TBC1D23: variants seen among roughly 807,000 people sequenced by gnomAD.
TBC1D23 encodes HCV non-structural protein 4A-transactivated protein 1.
A neutral mutation model predicts 91.4 loss-of-function variants in TBC1D23; 55 were observed. That is an observed-to-expected ratio of 0.60 (90% CI 0.48 to 0.75). The LOEUF is 0.75. Among genes scored for constraint, TBC1D23 ranks in the 30% least tolerant of loss-of-function variants. The pLI, the probability that TBC1D23 is intolerant of heterozygous loss-of-function variation, is 0.00. For synonymous variants in TBC1D23, 289 were observed against 281.0 expected, an observed-to-expected ratio of 1.03 and a Z score of -0.28; for missense variants, 725 against 836.1, an observed-to-expected ratio of 0.87 and a Z score of 1.64.
intron 13 of TBC1D23, among the ~76,000 whole-genome samples, chr3:100,309,650 C>T (rs1488002208): frequency 3.8e-5 from 5 of 132,450 alleles, no homozygotes; most frequent in African/African-American, 1.1e-4. Flanking sequence ...CTCGCTCTGT[C>T]GCGCAGACTG....
chr3:100,288,675 A>G (rs889455832), intron 4 of TBC1D23, among the ~76,000 whole-genome samples: 2 of 152,224 alleles, frequency 1.3e-5, no homozygotes, highest in Non-Finnish European at 2.9e-5. Context: ...TGACCTGTTT[A>G]TAAGTTTTTG....
At chr3:100,271,496 A>G (rs2067599038) in intron 1 of TBC1D23, among the ~76,000 whole-genome samples, 1 of 152,172 alleles carries the variant, frequency 6.6e-6, no homozygotes, top group Non-Finnish European at 1.5e-5. Flanking sequence ...GTGGGTGGAG[A>G]TAAGAGTCAG....
At chr3:100,300,156 A>G (rs1705397653) in intron 10 of TBC1D23, among the ~76,000 whole-genome samples, 1 of 152,206 alleles carries the variant, frequency 6.6e-6, no homozygotes, top group Non-Finnish European at 1.5e-5. Flanking sequence ...ATTGTCAGAG[A>G]TGTATAGAGC....
Position 100,261,088 on chromosome 3 carries a change from G to A in TBC1D23, c.53+17G>A. ...CGACGGCTGGTGAGTGAAAGCCGGG[G>A]CTAATTTCCAATGCCCCTTTATTCT... On this transcript the variant is annotated intron_variant, in intron 1 of 18. Coordinates refer to ENST00000394144, the MANE Select transcript of TBC1D23 (RefSeq NM_001199198.3). 2 of 1,611,624 alleles carry A rather than the reference G, an allele frequency of 1.2e-6. No homozygotes were observed. Among genetic ancestry groups the A allele is most frequent in the Non-Finnish European group, 1.7e-6 (2 of 1,177,864 alleles).
intron 7 of TBC1D23, among the ~76,000 whole-genome samples, chr3:100,295,872 AT>A (rs2067834797): frequency 6.6e-6 from 1 of 152,140 alleles, no homozygotes; most frequent in South Asian, 2.1e-4. Flanking sequence ...TTTCTTAGGC[AT>A]TTTTTATGTT....
At chr3:100,303,232 G>A (rs1705464280) in intron 11 of TBC1D23, among the ~76,000 whole-genome samples, 1 of 152,052 alleles carries the variant, frequency 6.6e-6, no homozygotes, top group African/African-American at 2.4e-5. Flanking sequence ...TGGTAGGCAT[G>A]GTACACAAGC....
chr3:100,296,642 G>A (rs1246848375), intron 8 of TBC1D23, among the ~76,000 whole-genome samples: 2 of 151,954 alleles, frequency 1.3e-5, no homozygotes, highest in East Asian at 1.9e-4. Context: ...GGTGGATCAC[G>A]AGGTCGGGAG....
At chr3:100,286,843 G>A (rs2067747367) in intron 4 of TBC1D23, among the ~76,000 whole-genome samples, 1 of 152,014 alleles carries the variant, frequency 6.6e-6, no homozygotes, top group Non-Finnish European at 1.5e-5. Flanking sequence ...TTTAGACAGA[G>A]TCTCGCTCTG....
At chr3:100,291,945 A>G (rs2067795149) in intron 5 of TBC1D23, among the ~76,000 whole-genome samples, 1 of 151,868 alleles carries the variant, frequency 6.6e-6, no homozygotes, top group Non-Finnish European at 1.5e-5. Context: ...TTGTAATTTT[A>G]GTAAAGACGG....
intron 3 of TBC1D23, among the ~76,000 whole-genome samples, chr3:100,282,096 A>T (rs2067700139): frequency 6.6e-6 from 1 of 152,192 alleles, no homozygotes; most frequent in African/African-American, 2.4e-5. Context: ...AGATCACTTG[A>T]GGTCAAGAGT....
chr3:100,302,314 G>T, intron 11 of TBC1D23, 77 bp downstream of exon 11: 1 of 1,233,954 alleles, frequency 8.1e-7, no homozygotes, highest in Non-Finnish European at 1.1e-6. Context: ...ATAACTTTTT[G>T]CTTGTCAGAT....
chr3:100,323,052 T>C (rs753608852), intron 18 of TBC1D23, among the ~76,000 whole-genome samples: 9 of 152,208 alleles, frequency 5.9e-5, no homozygotes, highest in Non-Finnish European at 1.2e-4. Context: ...TTTAAATATT[T>C]CAGACCTCAT....
rs1705914092 is a variant in TBC1D23 at position 100,324,146 on chromosome 3, A to C, written c.*478A>C. On this transcript the variant is annotated 3_prime_UTR_variant, in exon 19 of 19. Coordinates refer to ENST00000394144, the MANE Select transcript of TBC1D23 (RefSeq NM_001199198.3). ...AAACTAAAACATAGATTAATAATTC[A>C]CTCACTGTTTCTATTCTTCTTAAAA... 6.6e-6 allele frequency: 1 copy of C among 152,182 alleles called. No individual in the cohort carries two copies. The highest frequency in any genetic ancestry group is 1.9e-4 in the East Asian group (1 of 5,198). The allele number at this position is 152,182 out of a possible 1,614,324, so 9.4% of individuals were successfully genotyped here.
chr3:100,322,256 A>G (rs1014591699), intron 18 of TBC1D23, among the ~76,000 whole-genome samples: 5 of 152,002 alleles, frequency 3.3e-5, no homozygotes, highest in Non-Finnish European at 5.9e-5. Flanking sequence ...CACCATGCCC[A>G]GCTAATTTTT....
At chr3:100,298,655 T>G (rs1157490467) in intron 9 of TBC1D23, among the ~76,000 whole-genome samples, 5 of 152,244 alleles carry the variant, frequency 3.3e-5, no homozygotes. Flanking sequence ...TTTCTTACTG[T>G]ATCTGCGCTG....
chr3:100,268,641 C>A (rs2067576569), intron 1 of TBC1D23, among the ~76,000 whole-genome samples: 1 of 152,136 alleles, frequency 6.6e-6, no homozygotes, highest in Admixed American at 6.6e-5. Context: ...TCTCTCTTTG[C>A]TGTTTTCGTG....
chr3:100,305,377 A>G (rs1042670216), intron 12 of TBC1D23, among the ~76,000 whole-genome samples: 16 of 152,188 alleles, frequency 1.1e-4, no homozygotes, highest in Admixed American at 7.2e-4. Context: ...CTAGGAGAGT[A>G]AAATAATTGG....
At chr3:100,289,331 T>A (rs1027381223) in intron 4 of TBC1D23, among the ~76,000 whole-genome samples, 1 of 152,206 alleles carries the variant, frequency 6.6e-6, no homozygotes, top group Non-Finnish European at 1.5e-5. Flanking sequence ...GTATTCTGTT[T>A]GAGTTATCAC....
At chr3:100,263,109 G>A (rs906599371) in intron 1 of TBC1D23, among the ~76,000 whole-genome samples, 9 of 152,198 alleles carry the variant, frequency 5.9e-5, no homozygotes, top group African/African-American at 1.9e-4. Flanking sequence ...GAGAGTCAGC[G>A]AAGGGAGATA....
Sources: allele counts gnomAD v4.1 joint callset (sites outside exome capture counted in the v4.1 genomes callset), GRCh38; gene constraint gnomAD v4.1.1; transcripts MANE v1.5; gene names NCBI Gene and HGNC (gene_info 2026-07-23, HGNC 2026-07-21).